CTXN2: variants seen among roughly 807,000 people sequenced by gnomAD.
The protein encoded by CTXN2 is cortexin-2.
In CTXN2, 3 loss-of-function variants were observed where a neutral mutation model predicts 5.7. The ratio of observed to expected loss-of-function variants is 0.53; its 90% CI spans 0.24 to 1.36. The LOEUF is 1.36. Ranked by LOEUF, CTXN2 falls within the 40% of genes most tolerant of loss-of-function variation. The pLI is 0.17. For synonymous variants in CTXN2, 38 were observed against 36.4 expected (o/e 1.04, Z -0.16); for missense variants, 87 against 93.0 (o/e 0.94, Z 0.26).
At chr15:48,182,697 ATCAG>A (rs1429900400) in intron 1 of CTXN2, among the ~76,000 whole-genome samples, 1 of 152,210 alleles carries the variant, frequency 6.6e-6, no homozygotes, top group Non-Finnish European at 1.5e-5. Context: ...AGCTATTTTT[ATCAG>A]TCAGGAAAAG....
intron 1 of CTXN2, among the ~76,000 whole-genome samples, chr15:48,197,864 C>A (rs1015016692): frequency 6.6e-6 from 1 of 152,084 alleles, no homozygotes; most frequent in Non-Finnish European, 1.5e-5. Context: ...ATTCTTTATG[C>A]CCTTACCTGA....
intron 1 of CTXN2, among the ~76,000 whole-genome samples, chr15:48,199,885 A>C (rs2040914067): frequency 6.6e-6 from 1 of 152,234 alleles, no homozygotes; most frequent in Non-Finnish European, 1.5e-5. Context: ...TACTAAACAA[A>C]AAAATCAAAC....
At chr15:48,185,320 A>C (rs1276927618) in intron 1 of CTXN2, among the ~76,000 whole-genome samples, 1 of 152,162 alleles carries the variant, frequency 6.6e-6, no homozygotes, top group South Asian at 2.1e-4. Flanking sequence ...TTGTTTTATC[A>C]ATTGTTAACA....
chr15:48,200,791 A>G (rs1232924423), intron 1 of CTXN2, among the ~76,000 whole-genome samples: 1 of 152,214 alleles, frequency 6.6e-6, no homozygotes, highest in South Asian at 2.1e-4. Context: ...CAGAATCTAT[A>G]TCAGTCAAAA....
chr15:48,181,385 A>T (rs2040700764), intron 1 of CTXN2, among the ~76,000 whole-genome samples: 1 of 152,176 alleles, frequency 6.6e-6, no homozygotes, highest in South Asian at 2.1e-4. Context: ...GAAGGAGTCC[A>T]GAAAAAAAGG....
At chr15:48,185,620 C>G (rs1322274755) in intron 1 of CTXN2, among the ~76,000 whole-genome samples, 3 of 152,204 alleles carry the variant, frequency 2.0e-5, no homozygotes, top group Middle Eastern at 6.8e-3. Context: ...ACATATATTT[C>G]AATACATTTA....
intron 1 of CTXN2, among the ~76,000 whole-genome samples, chr15:48,183,309 A>G (rs1597378456): frequency 6.6e-6 from 1 of 152,210 alleles, no homozygotes; most frequent in East Asian, 1.9e-4. Flanking sequence ...TAGATAGAAA[A>G]CAACAACTTA....
intron 1 of CTXN2, 52 bp from the exon 2 acceptor site, chr15:48,201,192 T>C: frequency 9.0e-7 from 1 of 1,106,264 alleles, no homozygotes; most frequent in Non-Finnish European, 1.3e-6. Flanking sequence ...AGCAACAACC[T>C]ACCCAATACC....
intron 1 of CTXN2, among the ~76,000 whole-genome samples, chr15:48,179,091 A>C (rs1350331057): frequency 1.3e-5 from 2 of 152,058 alleles, no homozygotes; most frequent in East Asian, 3.8e-4. Context: ...ATGGAGTTTT[A>C]AAATACAGTC....
intron 1 of CTXN2, among the ~76,000 whole-genome samples, chr15:48,192,794 AG>A (rs981788762): frequency 5.3e-5 from 8 of 152,212 alleles, no homozygotes; most frequent in African/African-American, 1.9e-4. Flanking sequence ...AATAAACAAG[AG>A]GAAAAACCTG....
At chr15:48,192,883 T>G (rs895938914) in intron 1 of CTXN2, among the ~76,000 whole-genome samples, 2 of 152,218 alleles carry the variant, frequency 1.3e-5, no homozygotes, top group Non-Finnish European at 2.9e-5. Flanking sequence ...AATTGTGCAT[T>G]GTTGCATGAT....
chr15:48,188,114 A>G (rs1278675290), upstream of CTXN2, among the ~76,000 whole-genome samples: 1 of 152,102 alleles, frequency 6.6e-6, no homozygotes, highest in African/African-American at 2.4e-5. Context: ...TATTTACTCC[A>G]CTTCTGATTT....
chr15:48,201,773 C>T lies in CTXN2; in HGVS notation c.*227C>T. Reference sequence around the variant, plus strand: ...TCCAATGAATAGAGCATAAGGATGGCTGCCGCCATGTTTACCATCTTTATT... The same window carrying T: ...TCCAATGAATAGAGCATAAGGATGGTTGCCGCCATGTTTACCATCTTTATT... On this transcript the variant is annotated 3_prime_UTR_variant, in exon 2 of 2. Transcript: ENST00000417307. 1.9e-6 allele frequency: 1 copy of T among 533,670 alleles called. No individual in the cohort carries two copies. The highest frequency in any genetic ancestry group is 3.4e-6 in the Non-Finnish European group (1 of 291,236). The allele number at this position is 533,670 out of a possible 1,614,324, so 33.1% of individuals were successfully genotyped here.
At chr15:48,187,416 G>C (rs1255652175), upstream of CTXN2, among the ~76,000 whole-genome samples, 1 of 131,804 alleles carries the variant, frequency 7.6e-6, no homozygotes, top group Non-Finnish European at 1.5e-5. Context: ...GCTACCCAAT[G>C]TTTGAATCAA....
intron 1 of CTXN2, among the ~76,000 whole-genome samples, chr15:48,181,109 A>G (rs995268573): frequency 1.3e-5 from 2 of 152,236 alleles, no homozygotes; most frequent in African/African-American, 2.4e-5. Flanking sequence ...TAATATATGT[A>G]TCACTTAGGA....
At chr15:48,183,620 T>G (rs926572557) in intron 1 of CTXN2, among the ~76,000 whole-genome samples, 1 of 152,230 alleles carries the variant, frequency 6.6e-6, no homozygotes, top group Non-Finnish European at 1.5e-5. Context: ...TTTATTTTGT[T>G]TTAACAATCC....
chr15:48,182,929 T>C (rs573109936), intron 1 of CTXN2, among the ~76,000 whole-genome samples: 2 of 152,204 alleles, frequency 1.3e-5, no homozygotes, highest in Non-Finnish European at 2.9e-5. Context: ...CAAGACTTCC[T>C]TGTGCCCAGA....
At chr15:48,189,065 C>T (rs895439082), upstream of CTXN2, 2 of 152,128 alleles carry the variant, frequency 1.3e-5, no homozygotes, top group Non-Finnish European at 2.9e-5. Flanking sequence ...TTATGCTTTC[C>T]TGAATAAGCC....
In CTXN2 at chr15:48,203,403, T is replaced by C. The variant is rs559366462; in HGVS notation, c.*1857T>C. On this transcript the variant is annotated 3_prime_UTR_variant, in exon 2 of 2. Coordinates refer to ENST00000417307, the MANE Select transcript of CTXN2 (RefSeq NM_001145668.2). The stretch of plus-strand genomic sequence containing the variant: ...TTCAAGAGTGTAGGCCTGGTACACC[T>C]CATAGCCAGTTAGTAACTTGGCCCA... The C allele has an allele frequency of 6.0e-6, 1 of 167,170 alleles. No individual in the cohort carries two copies. The highest frequency in any genetic ancestry group is 1.5e-5 in the Non-Finnish European group (1 of 68,100). The allele number at this position is 167,170 out of a possible 1,614,324, so 10.4% of individuals were successfully genotyped here.
Sources: allele counts gnomAD v4.1 joint callset (sites outside exome capture counted in the v4.1 genomes callset), GRCh38; gene constraint gnomAD v4.1.1; transcripts MANE v1.5; gene names NCBI Gene and HGNC (gene_info 2026-07-23, HGNC 2026-07-21).